The following SLC5A3 variants were observed in gnomAD, a reference collection of about 807,000 sequenced individuals.
SLC5A3 encodes the protein sodium/myo-inositol cotransporter.
SLC5A3 carries 10 observed loss-of-function variants against 43.2 expected under a neutral mutation model. The ratio of observed to expected loss-of-function variants is 0.23; its 90% confidence interval spans 0.14 to 0.39. SLC5A3 has a LOEUF of 0.39. Among genes scored for constraint, SLC5A3 ranks in the 10% least tolerant of loss-of-function variants. SLC5A3 has a pLI of 1.00. For synonymous variants in SLC5A3, 349 were observed against 322.0 expected, an observed-to-expected ratio of 1.08 and a Z score of -0.90; for missense variants, 608 against 893.4, an observed-to-expected ratio of 0.68 and a Z score of 4.07.
chr21:34,102,231 T>C lies in SLC5A3; in HGVS notation c.*4876T>C. ...TTAAGGTTCAAAGTAATTAACTGGC[T>C]TTGCCAGTGGTGAGTCCCACACCAT... is the stretch of plus-strand genomic sequence containing the variant. On this transcript the variant is annotated 3_prime_UTR_variant, in exon 2 of 2. Coordinates refer to ENST00000381151, the MANE Select transcript of SLC5A3 (RefSeq NM_006933.7). 1.0e-6 allele frequency: 1 copy of C among 999,810 alleles called. No homozygotes were observed. The highest frequency in any genetic ancestry group is 1.2e-6 in the Non-Finnish European group (1 of 829,722). 61.9% of individuals were successfully genotyped at this position (999,810 alleles called of 1,614,324 possible).
intron 1 of SLC5A3, among the ~76,000 whole-genome samples, chr21:34,074,429 G>GCGCCTCCAGAAGACACTTTCTTC (rs1360447963): frequency 6.6e-6 from 1 of 152,226 alleles, no homozygotes; most frequent in African/African-American, 2.4e-5. Flanking sequence ...GGCCTTTCTT[G>GCGCCTCCAGAAGACACTTTCTTC]CGCCTCCAGA....
rs1979417938 is a variant in SLC5A3, at chr21:34,105,117, A to G, written c.*7762A>G. On this transcript the variant is annotated 3_prime_UTR_variant, in exon 2 of 2. Transcript: ENST00000381151. ...TTTTTTAATAATGCCATACTCCATT[A>G]GTGTCAGATGATGGTATGGAATTTG... The G allele has an allele frequency of 1.0e-6, 1 of 1,000,084 alleles. No individual in the cohort carries two copies. The highest frequency in any genetic ancestry group is 6.1e-5 in the Admixed American group (1 of 16,274). The allele number at this position is 1,000,084 out of a possible 1,614,324, so 62.0% of individuals were successfully genotyped here.
At position 34,073,619 on chromosome 21, in the gene SLC5A3, G is replaced by C; in HGVS notation, c.-463G>C. The C allele has an allele frequency of 8.0e-7, 1 of 1,251,252 alleles. No individual in the cohort carries two copies. The highest frequency in any genetic ancestry group is 1.1e-6 in the Non-Finnish European group (1 of 900,984). 77.5% of individuals were successfully genotyped at this position (1,251,252 alleles called of 1,614,324 possible). A position where few individuals can be genotyped will look rare whatever the true frequency, so the allele number is the denominator to read the frequency against. ...AGCCGTCCGGCGCAGCAGTTTCTAG[G>C]TCCCCACTGTCCCCGCCGTCCCGCC... On this transcript the variant is annotated 5_prime_UTR_variant, in exon 1 of 2. Transcript: ENST00000381151.
chr21:34,096,164 A>G lies in SLC5A3; in HGVS notation c.966A>G (p.Ile322Met). The change falls in exon 2 of 2, where the codon ATA (isoleucine) becomes ATG (methionine). Residue 322 changes from isoleucine to methionine, a missense_variant. Physicochemically the swap from Ile to Met is conservative, Grantham distance 10. This residue lies in a region of SLC5A3 where 398 missense variants were observed against 668.6 expected (regional missense o/e 0.60). Transcript: ENST00000381151. The surrounding 1 kb of genome is among the most constrained non-coding windows in gnomAD (Gnocchi z 5.9). ...TTGTCCCAGGAATGATTTCCAGGAT[A>G]CTGTTTACTGATGATATAGCTTGCA... The part of the protein sequence containing the change: ...IIVVPGMISR[I>M]LFTDDIACIN... 1.2e-6 allele frequency: 2 copies of G among 1,614,102 alleles called. No homozygotes were observed. Among genetic ancestry groups the G allele is most frequent in the South Asian group, 1.1e-5 (1 of 91,078 alleles).
chr21:34,078,799 A>T (rs891435352), intron 1 of SLC5A3, among the ~76,000 whole-genome samples: 1 of 152,246 alleles, frequency 6.6e-6, no homozygotes, highest in African/African-American at 2.4e-5. Context: ...GTGATTACTC[A>T]TGTTATAAAA....
In SLC5A3 at chr21:34,095,615, C is replaced by T. The variant is rs541107774; in HGVS notation, c.417C>T (p.Leu139=). Residue 139 remains leucine, a synonymous_variant, in exon 2 of 2, where the codon CTC becomes CTT. Transcript: ENST00000381151. ...TGATTCTCTATATTTTCACCAAGCT[C>T]TCGGTGGATCTGTATTCGGGTGCCC... ...LSLILYIFTK[L]SVDLYSGALF... is the part of the protein sequence containing the mutation. 272 of 1,613,714 alleles carry T rather than the reference C, an allele frequency of 1.7e-4. 3 individuals carry two copies. In the South Asian group the frequency reaches 2.8e-3, roughly 17 times the overall value.
chr21:34,095,006 A>T lies in SLC5A3; in HGVS notation c.-193A>T. 1 of 635,000 alleles carries T rather than the reference A, an allele frequency of 1.6e-6. No individual in the cohort carries two copies. The highest frequency in any genetic ancestry group is 2.5e-6 in the Non-Finnish European group (1 of 392,300). The allele number at this position is 635,000 out of a possible 1,614,324, so 39.3% of individuals were successfully genotyped here. On this transcript the variant is annotated 5_prime_UTR_variant, in exon 2 of 2. Coordinates refer to ENST00000381151, the MANE Select transcript of SLC5A3 (RefSeq NM_006933.7). ...CCCAATTAAGAAGCGGAAAATTTAA[A>T]CTGTCTTCTTCAAAGTTTATCACAA...
In SLC5A3 at chr21:34,105,553, T is replaced by C; in HGVS notation, c.*8198T>C. On this transcript the variant is annotated 3_prime_UTR_variant, in exon 2 of 2. Transcript: ENST00000381151. Reference sequence around the variant, plus strand: ...CATGTTCTTCCCAGTGTCCTGCTTATGATGCTTTGTTCAGATTTTTTGTAA... The same window carrying C: ...CATGTTCTTCCCAGTGTCCTGCTTACGATGCTTTGTTCAGATTTTTTGTAA... The C allele has an allele frequency of 6.0e-6, 6 of 999,858 alleles. No individual in the cohort carries two copies. Among genetic ancestry groups the C allele is most frequent in the Non-Finnish European group, 6.0e-6 (5 of 829,634 alleles). The allele number at this position is 999,858 out of a possible 1,614,324, so 61.9% of individuals were successfully genotyped here. A position where few individuals can be genotyped will look rare whatever the true frequency, so the allele number is the denominator to read the frequency against.
rs1979378510 is a variant in SLC5A3 at position 34,104,284 on chromosome 21, T to C, written c.*6929T>C. The stretch of plus-strand genomic sequence containing the variant: ...TCTTTCACTTGTCCCATTAACCCTC[T>C]TCTAGTCTAGATGAGATGAAATCTG... On this transcript the variant is annotated 3_prime_UTR_variant, in exon 2 of 2. Transcript: ENST00000381151. 1.0e-6 allele frequency: 1 copy of C among 999,996 alleles called. No homozygotes were observed. The highest frequency in any genetic ancestry group is 1.7e-5 in the African/African-American group (1 of 57,230). 61.9% of individuals were successfully genotyped at this position (999,996 alleles called of 1,614,324 possible). A position where few individuals can be genotyped will look rare whatever the true frequency, so the allele number is the denominator to read the frequency against.
chr21:34,091,583 A>C (rs1978697509), intron 1 of SLC5A3, among the ~76,000 whole-genome samples: 1 of 152,224 alleles, frequency 6.6e-6, no homozygotes, highest in Non-Finnish European at 1.5e-5. Flanking sequence ...GGTCAAATGC[A>C]GCAAATATTT....
chr21:34,086,215 G>A (rs1245784564), intron 1 of SLC5A3, among the ~76,000 whole-genome samples: 1 of 151,690 alleles, frequency 6.6e-6, no homozygotes, highest in Non-Finnish European at 1.5e-5. Context: ...TTCAGGTTTT[G>A]TTTTGTTTTG....
intron 1 of SLC5A3, among the ~76,000 whole-genome samples, chr21:34,092,163 T>C (rs1486365480): frequency 6.6e-6 from 1 of 152,076 alleles, no homozygotes; most frequent in African/African-American, 2.4e-5. Context: ...TTCAGAACCA[T>C]TTTTAAGGAA....
chr21:34,083,044 C>T (rs1989494872), intron 1 of SLC5A3, among the ~76,000 whole-genome samples: 1 of 152,198 alleles, frequency 6.6e-6, no homozygotes, highest in African/African-American at 2.4e-5. Flanking sequence ...TCTGCTTCTG[C>T]CCCAGAATCG....
chr21:34,100,929 G>A lies in SLC5A3; in HGVS notation c.*3574G>A. The A allele has an allele frequency of 1.0e-6, 1 of 1,000,182 alleles. No homozygotes were observed. Among genetic ancestry groups the A allele is most frequent in the Non-Finnish European group, 1.2e-6 (1 of 829,966 alleles). The allele number at this position is 1,000,182 out of a possible 1,614,324, so 62.0% of individuals were successfully genotyped here. On this transcript the variant is annotated 3_prime_UTR_variant, in exon 2 of 2. Coordinates refer to ENST00000381151, the MANE Select transcript of SLC5A3 (RefSeq NM_006933.7). ...GTCTTCCCTGTTCCTGCTTGGCAGT[G>A]TTAAAGCTTACAGGGTTAACTTATG...
rs967495486 is a variant in SLC5A3 at position 34,100,912 on chromosome 21, TG to T, written c.*3558del. 2.0e-6 allele frequency: 2 copies of T among 1,000,144 alleles called. No homozygotes were observed. The highest frequency in any genetic ancestry group is 3.5e-5 in the African/African-American group (2 of 57,246). The allele number at this position is 1,000,144 out of a possible 1,614,324, so 62.0% of individuals were successfully genotyped here. A position where few individuals can be genotyped will look rare whatever the true frequency, so the allele number is the denominator to read the frequency against. On this transcript the variant is annotated 3_prime_UTR_variant, in exon 2 of 2. Coordinates refer to ENST00000381151, the MANE Select transcript of SLC5A3 (RefSeq NM_006933.7). ...TGCTACTCAAAGGTTAGGTCTTCCC[TG>T]TTCCTGCTTGGCAGTGTTAAAGCTT...
intron 1 of SLC5A3, among the ~76,000 whole-genome samples, chr21:34,087,148 G>T (rs1978429958): frequency 2.0e-5 from 3 of 152,206 alleles, no homozygotes; most frequent in African/African-American, 4.8e-5. Flanking sequence ...GGGCCACTGA[G>T]ATTTTTATCT....
rs143365196 is a variant in SLC5A3 at position 34,096,394 on chromosome 21, G to A, written c.1196G>A (p.Arg399His). 15 of 1,614,036 alleles carry A rather than the reference G, an allele frequency of 9.3e-6. No individual in the cohort carries two copies. Among genetic ancestry groups the A allele is most frequent in the East Asian group, 6.7e-5 (3 of 44,886 alleles). Residue 399 changes from arginine to histidine, a missense_variant, in exon 2 of 2, where the codon CGC (arginine) becomes CAC (histidine). By Grantham distance (29) the Arg-to-His change is conservative (BLOSUM62 0). Around this residue, in one of 2 missense-constraint regions of SLC5A3, gnomAD observed 398 missense variants for 668.6 expected, o/e 0.60. Transcript: ENST00000381151. This position sits in a 1 kb window ranked among gnomAD's most constrained non-coding sequence, Gnocchi z 5.9. ...ACCCTCGATGTGTACAAACTTATCC[G>A]CAAGAGCGCAAGCTCCCGGGAGTTA... ...IFTLDVYKLI[R>H]KSASSRELMI...
intron 1 of SLC5A3, among the ~76,000 whole-genome samples, chr21:34,074,327 G>A (rs1347743354): frequency 6.6e-6 from 1 of 152,188 alleles, no homozygotes. Context: ...TCGCTCTCAT[G>A]TTAAAAAAAA....
chr21:34,098,582 C>T lies in SLC5A3; in HGVS notation c.*1227C>T, dbSNP rs560163422. ...GCCGTCGGTAACAGAAAACTCAGTG[C>T]ATACTTTGCTGTTGTTAGGTTGTCA... On this transcript the variant is annotated 3_prime_UTR_variant, in exon 2 of 2. Transcript: ENST00000381151. 2.8e-5 allele frequency: 28 copies of T among 1,000,224 alleles called. No individual in the cohort carries two copies. Among genetic ancestry groups the T allele is most frequent in the Admixed American group, 1.8e-4 (3 of 16,268 alleles). The allele number at this position is 1,000,224 out of a possible 1,614,324, so 62.0% of individuals were successfully genotyped here. A position where few individuals can be genotyped will look rare whatever the true frequency, so the allele number is the denominator to read the frequency against.
Sources: allele counts gnomAD v4.1 joint callset (sites outside exome capture counted in the v4.1 genomes callset), GRCh38; gene constraint gnomAD v4.1.1; regional missense constraint gnomAD v4.1.1; non-coding constraint Gnocchi (gnomAD v3.1); transcripts MANE v1.5; gene names NCBI Gene and HGNC (gene_info 2026-07-23, HGNC 2026-07-21).